The following PARP1 variants were observed in gnomAD, a reference collection of about 807,000 sequenced individuals.
The protein encoded by PARP1 is poly [ADP-ribose] polymerase 1.
Under a neutral mutation model 118.7 loss-of-function variants are expected in PARP1, and 44 were observed. That is an observed-to-expected ratio of 0.37 (90% CI 0.29 to 0.48). PARP1 has a LOEUF of 0.48. Ranked by LOEUF, PARP1 falls within the 20% of genes least tolerant of loss-of-function variation. PARP1 has a pLI of 0.99. For synonymous variants in PARP1, 492 were observed against 483.2 expected, an observed-to-expected ratio of 1.02 and a Z score of -0.24; for missense variants, 1,100 against 1,272.4, an observed-to-expected ratio of 0.86 and a Z score of 2.06.
At chr1:226,373,054 G>A (rs1327411475) in intron 14 of PARP1, among the ~76,000 whole-genome samples, 3 of 152,208 alleles carry the variant, frequency 2.0e-5, no homozygotes, top group African/African-American at 2.4e-5. Flanking sequence ...CAGCACAGGC[G>A]TGAGCATTCC....
intron 12 of PARP1, 24 bp downstream of exon 12, chr1:226,379,118 C>A: frequency 6.2e-7 from 1 of 1,614,082 alleles, no homozygotes; most frequent in Non-Finnish European, 8.5e-7. Context: ...CTCTGCACAA[C>A]CAGGCTACAC....
At chr1:226,379,761 A>G in intron 10 of PARP1, 120 bp from the exon 11 acceptor site, 1 of 1,339,186 alleles carries the variant, frequency 7.5e-7, no homozygotes, top group Non-Finnish European at 1.1e-6. Context: ...ATCTATATAC[A>G]CACTACTCCC....
intron 14 of PARP1, among the ~76,000 whole-genome samples, chr1:226,371,677 A>T (rs1576392829): frequency 6.6e-6 from 1 of 152,286 alleles, no homozygotes; most frequent in African/African-American, 2.4e-5. Flanking sequence ...TTTGGTATGG[A>T]CCCTCAATCA....
In PARP1 at chr1:226,367,624, A is replaced by T. The variant is rs200603350; in HGVS notation, c.2278-16T>A. ...CCACCTTGGCCTGGAGGAGCAAAAG[A>T]AAGCCCCCGACTTAGGTATCATGGT... On this transcript the variant is annotated splice_polypyrimidine_tract_variant and intron_variant, in intron 16 of 22. Coordinates refer to ENST00000366794, the MANE Select transcript of PARP1 (RefSeq NM_001618.4). The T allele has an allele frequency of 6.2e-6, 10 of 1,613,754 alleles. No individual in the cohort carries two copies. The highest frequency in any genetic ancestry group is 8.5e-6 in the Non-Finnish European group (10 of 1,180,040).
intron 16 of PARP1, among the ~76,000 whole-genome samples, chr1:226,367,996 C>G (rs1017742288): frequency 6.6e-6 from 1 of 152,122 alleles, no homozygotes; most frequent in African/African-American, 2.4e-5. Flanking sequence ...AGCTCTTTCC[C>G]CAGTGGATTT....
chr1:226,402,089 A>G, intron 2 of PARP1, 125 bp downstream of exon 2: 1 of 1,584,056 alleles, frequency 6.3e-7, no homozygotes, highest in Admixed American at 1.8e-5. Flanking sequence ...TGGGCACCAT[A>G]CGCTTGATCT....
chr1:226,379,298 C>G, intron 11 of PARP1, 24 bp from the exon 12 acceptor site: 3 of 1,614,184 alleles, frequency 1.9e-6, no homozygotes, highest in South Asian at 1.1e-5. Context: ...AAAGCACCTA[C>G]AGTTTTCTCT....
At chr1:226,383,239 C>T (rs1664655288) in intron 7 of PARP1, 56 bp from the exon 8 acceptor site, 1 of 1,409,240 alleles carries the variant, frequency 7.1e-7, no homozygotes, top group Non-Finnish European at 1.0e-6. Flanking sequence ...GTAACCACCC[C>T]ATAGACCAAA....
chr1:226,386,053 C>G (rs1043440981), intron 6 of PARP1, among the ~76,000 whole-genome samples: 4 of 152,196 alleles, frequency 2.6e-5, no homozygotes, highest in African/African-American at 9.7e-5. Flanking sequence ...CAGGAGGGGG[C>G]TCTCCTCTCT....
chr1:226,394,311 C>T (rs577575566), intron 2 of PARP1, among the ~76,000 whole-genome samples: 5 of 152,202 alleles, frequency 3.3e-5, no homozygotes, highest in Non-Finnish European at 7.3e-5. Flanking sequence ...GAGCTAGGAT[C>T]GTGCAACTCC....
At chr1:226,400,881 G>A (rs1298193508) in intron 2 of PARP1, among the ~76,000 whole-genome samples, 1 of 152,198 alleles carries the variant, frequency 6.6e-6, no homozygotes, top group East Asian at 1.9e-4. Flanking sequence ...TAGTGGCAAA[G>A]GACTTGCGTG....
At chr1:226,386,513 T>C in intron 5 of PARP1, 71 bp from the exon 6 acceptor site, 2 of 984,922 alleles carry the variant, frequency 2.0e-6, no homozygotes, top group Non-Finnish European at 3.3e-6. Context: ...GGAGGAGCCC[T>C]GGTCATGCTG....
At chr1:226,379,329 C>G (rs1664557826) in intron 11 of PARP1, 55 bp from the exon 12 acceptor site, 2 of 1,609,754 alleles carry the variant, frequency 1.2e-6, no homozygotes, top group Non-Finnish European at 1.7e-6. Flanking sequence ...TGCTAGCACT[C>G]TCACGGAGAA....
At chr1:226,379,465 A>AC in intron 11 of PARP1, 108 bp downstream of exon 11, 1 of 1,140,806 alleles carries the variant, frequency 8.8e-7, no homozygotes, top group Non-Finnish European at 1.3e-6. Context: ...GGACAAAGGC[A>AC]CGACCACACT....
chr1:226,363,175 A>C lies in PARP1; in HGVS notation c.2787-15T>G. ...TCAGTTCATACCTATTCAAAAGAGG[A>C]CAGTCTCAGAAGAGGCCTTCACACT... On this transcript the variant is annotated splice_polypyrimidine_tract_variant and intron_variant, in intron 20 of 22. Coordinates refer to ENST00000366794, the MANE Select transcript of PARP1 (RefSeq NM_001618.4). 4 of 1,603,702 alleles carry C rather than the reference A, an allele frequency of 2.5e-6. No individual in the cohort carries two copies. The highest frequency in any genetic ancestry group is 3.4e-6 in the Non-Finnish European group (4 of 1,170,518).
intron 21 of PARP1, 110 bp downstream of exon 21, chr1:226,362,989 C>T: frequency 1.3e-6 from 1 of 792,042 alleles, no homozygotes; most frequent in South Asian, 1.4e-5. Flanking sequence ...AATGAATCTC[C>T]AGCTGTTTGA....
At position 226,372,205 on chromosome 1, in the gene PARP1, T is replaced by G. The variant is rs192926407; in HGVS notation, c.2071-1688A>C. 1.2e-4 allele frequency among the ~76,000 whole-genome samples: 19 copies of G among 152,320 alleles called. No homozygotes were observed. In the East Asian group the frequency reaches 3.3e-3, roughly 26 times the overall value. On this transcript the variant is annotated intron_variant, in intron 14 of 22. Coordinates refer to ENST00000366794, the MANE Select transcript of PARP1 (RefSeq NM_001618.4). ...GGATGAAGCCCCGAGGGCCACTGTG[T>G]CTACTTCTCCACATGGTTACCCCAA...
intron 2 of PARP1, among the ~76,000 whole-genome samples, chr1:226,394,323 C>T (rs1480071643): frequency 6.6e-6 from 1 of 152,216 alleles, no homozygotes; most frequent in Non-Finnish European, 1.5e-5. Flanking sequence ...TGCAACTCCA[C>T]TCTAGCCTTG....
At chr1:226,400,292 C>T (rs1353653133) in intron 2 of PARP1, among the ~76,000 whole-genome samples, 1 of 152,004 alleles carries the variant, frequency 6.6e-6, no homozygotes, top group Non-Finnish European at 1.5e-5. Context: ...GAGTGAGACT[C>T]CATCTCGAAA....
Sources: gnomAD v4.1 joint callset for allele counts (sites outside exome capture counted in the v4.1 genomes callset) on GRCh38, gnomAD v4.1.1 for gene constraint, MANE v1.5 for transcripts, NCBI Gene and HGNC (gene_info 2026-07-23, HGNC 2026-07-21) for gene names.